Variants in NRG1 observed in about 807,000 individuals in gnomAD.
NRG1 encodes pro-neuregulin-1, membrane-bound isoform.
In NRG1, 18 loss-of-function variants were observed where a neutral mutation model predicts 63.8. The observed-to-expected ratio is 0.28, with a 90% CI of 0.19 to 0.42. The LOEUF is 0.42. Ranked by LOEUF, NRG1 falls within the 10% of genes least tolerant of loss-of-function variation. NRG1 has a pLI of 1.00. For missense variants in NRG1, 762 were observed against 814.7 expected (o/e 0.94, Z 0.79); for synonymous variants, 302 against 301.3 (o/e 1.00, Z -0.02).
chr8:32,354,800 T>A (rs200651653), intron 1 of NRG1, among the ~76,000 whole-genome samples: 5,037 of 113,694 alleles, frequency 0.044, 193 homozygotes, highest in African/African-American at 0.1. Flanking sequence ...CTGCTTTTTT[T>A]AAAAAAAAAA....
chr8:32,494,284 C>T (rs1340093322), intron 1 of NRG1, among the ~76,000 whole-genome samples: 1 of 152,104 alleles, frequency 6.6e-6, no homozygotes, highest in Non-Finnish European at 1.5e-5. Context: ...CATAGTTGCC[C>T]CACCAGAGAA....
intron 7 of NRG1, among the ~76,000 whole-genome samples, chr8:32,752,068 A>G (rs908608388): frequency 3.9e-5 from 6 of 152,204 alleles, no homozygotes; most frequent in African/African-American, 1.2e-4. Context: ...GAAGAAAACA[A>G]TAGAGGACGG....
At chr8:32,075,962 C>G (rs748188327) in intron 1 of NRG1, among the ~76,000 whole-genome samples, 1 of 152,224 alleles carries the variant, frequency 6.6e-6, no homozygotes, top group Admixed American at 6.5e-5. Flanking sequence ...CATGAACCAC[C>G]GCGCTCGGCC....
At chr8:32,074,738 G>A (rs1232784828) in intron 1 of NRG1, among the ~76,000 whole-genome samples, 1 of 152,164 alleles carries the variant, frequency 6.6e-6, no homozygotes, top group Non-Finnish European at 1.5e-5. Context: ...AAATAGCAAT[G>A]TGAAAAGAGG....
chr8:32,236,718 C>T (rs1019316517), intron 1 of NRG1, among the ~76,000 whole-genome samples: 1 of 152,324 alleles, frequency 6.6e-6, no homozygotes, highest in Non-Finnish European at 1.5e-5. Flanking sequence ...TTTCTCTTAA[C>T]ATGTGTGGTG....
intron 1 of NRG1, among the ~76,000 whole-genome samples, chr8:32,502,527 TTCTC>T (rs1384915839): frequency 7.5e-6 from 1 of 132,896 alleles, no homozygotes; most frequent in Non-Finnish European, 1.6e-5. Context: ...CAATGTAAGA[TTCTC>T]TCTCTCTTCT....
intron 1 of NRG1, among the ~76,000 whole-genome samples, chr8:31,960,863 C>T (rs1034135275): frequency 3.3e-5 from 5 of 152,136 alleles, no homozygotes; most frequent in African/African-American, 1.2e-4. Context: ...ATTTAATAAC[C>T]ATAACAAAAG....
chr8:31,706,907 T>G (rs531137275), intron 1 of NRG1, among the ~76,000 whole-genome samples: 1 of 152,302 alleles, frequency 6.6e-6, no homozygotes, highest in African/African-American at 2.4e-5. Flanking sequence ...TATTTATTTC[T>G]ATAGGCTTCA....
intron 1 of NRG1, among the ~76,000 whole-genome samples, chr8:32,002,174 C>A (rs969980778): frequency 9.2e-5 from 14 of 151,936 alleles, no homozygotes; most frequent in Non-Finnish European, 2.1e-4. Context: ...CAAGCACATG[C>A]CACCACGCCC....
At chr8:31,666,743 T>C (rs1297691425) in intron 1 of NRG1, among the ~76,000 whole-genome samples, 1 of 152,222 alleles carries the variant, frequency 6.6e-6, no homozygotes, top group Non-Finnish European at 1.5e-5. Context: ...AATTGAATGC[T>C]ACATCTCATG....
In NRG1 at chr8:31,682,088, GC is replaced by G. The variant is rs529565604; in HGVS notation, c.37+42659del. On this transcript the variant is annotated intron_variant, in intron 1 of 10. Coordinates refer to the NRG1 transcript ENST00000519301. ...TAGAAGAGTTTCACTTCCCTAAAGA[GC>G]CTATGTGCTCTGCCTATTCATCCCT... Among the ~76,000 whole-genome samples, 3 of 152,100 alleles carry G rather than the reference GC, an allele frequency of 2.0e-5. No homozygotes were observed. The South Asian group carries it at 6.2e-4, about 32-fold the overall frequency.
intron 1 of NRG1, among the ~76,000 whole-genome samples, chr8:32,450,548 T>C (rs1820822974): frequency 6.6e-6 from 1 of 152,138 alleles, no homozygotes; most frequent in Non-Finnish European, 1.5e-5. Context: ...CCCAAATAGC[T>C]TGGACTACAG....
At chr8:32,317,509 G>C (rs1857539239) in intron 1 of NRG1, among the ~76,000 whole-genome samples, 1 of 152,192 alleles carries the variant, frequency 6.6e-6, no homozygotes, top group Non-Finnish European at 1.5e-5. Flanking sequence ...TGCACCCTGA[G>C]AGCTGTAATC....
intron 1 of NRG1, among the ~76,000 whole-genome samples, chr8:32,467,338 C>T (rs957407881): frequency 1.3e-5 from 2 of 152,066 alleles, no homozygotes; most frequent in Non-Finnish European, 2.9e-5. Context: ...TGTCAGAGCC[C>T]GCCTTTTGGT....
intron 1 of NRG1, among the ~76,000 whole-genome samples, chr8:32,055,448 A>C (rs1822757579): frequency 1.3e-5 from 2 of 152,150 alleles, no homozygotes. Context: ...GCCTTGTCTA[A>C]GCTCTCTTCT....
chr8:32,008,504 T>G lies in NRG1; in HGVS notation c.37+369073T>G, dbSNP rs192486196. 1.3e-3 allele frequency among the ~76,000 whole-genome samples: 192 copies of G among 152,214 alleles called. 1 individual carries two copies. Among genetic ancestry groups the G allele is most frequent in the African/African-American group, 4.4e-3 (185 of 41,576 alleles). On this transcript the variant is annotated intron_variant, in intron 1 of 10. Coordinates refer to the NRG1 transcript ENST00000519301. Reference sequence around the variant, plus strand: ...CTAGTTCGGTTTCTCAGAATGAATATTTCAAATATTAAATATTTTCTTGAG... The same window carrying G: ...CTAGTTCGGTTTCTCAGAATGAATAGTTCAAATATTAAATATTTTCTTGAG...
chr8:32,505,132 T>C (rs4733345), intron 1 of NRG1, among the ~76,000 whole-genome samples: 25,906 of 152,166 alleles, frequency 0.17, 2,586 homozygotes, highest in Admixed American at 0.31. Context: ...TTATCAATTG[T>C]TATTTTCTGG....
chr8:32,592,994 A>G (rs1842778417), intron 1 of NRG1, among the ~76,000 whole-genome samples: 1 of 152,220 alleles, frequency 6.6e-6, no homozygotes, highest in African/African-American at 2.4e-5. Flanking sequence ...ATACAGTAAC[A>G]TAAAGAAAAT....
intron 1 of NRG1, among the ~76,000 whole-genome samples, chr8:32,583,106 T>C (rs1840966180): frequency 6.6e-6 from 1 of 152,172 alleles, no homozygotes; most frequent in Non-Finnish European, 1.5e-5. Context: ...TTCAGATATT[T>C]GTCATGTAAT....
Sources: gnomAD v4.1 joint callset for allele counts (sites outside exome capture counted in the v4.1 genomes callset) on GRCh38, gnomAD v4.1.1 for gene constraint, MANE v1.5 for transcripts, NCBI Gene and HGNC (gene_info 2026-07-23, HGNC 2026-07-21) for gene names.